The following INTS12 variants were observed in gnomAD, a reference collection of about 807,000 sequenced individuals.
INTS12 encodes integrator complex subunit 12.
Under a neutral mutation model 41.6 loss-of-function variants are expected in INTS12, and 13 were observed. The ratio of observed to expected loss-of-function variants is 0.31; its 90% confidence interval spans 0.20 to 0.50. The LOEUF (loss-of-function observed/expected upper bound fraction) is 0.50, where lower values mean the gene tolerates loss of function less well. INTS12 is among the 20% of genes least tolerant of loss of function. INTS12 has a pLI of 0.98. For missense variants in INTS12, 432 were observed against 541.6 expected, an observed-to-expected ratio of 0.80 and a Z score of 2.01; for synonymous variants, 199 against 191.4, an observed-to-expected ratio of 1.04 and a Z score of -0.33.
At chr4:105,699,378 T>C (rs1009494044) in intron 3 of INTS12, among the ~76,000 whole-genome samples, 3 of 152,202 alleles carry the variant, frequency 2.0e-5, no homozygotes, top group Non-Finnish European at 4.4e-5. Context: ...GGCTGCTTTG[T>C]TATTATCAAG....
intron 6 of INTS12, among the ~76,000 whole-genome samples, chr4:105,690,971 AG>A (rs1731663528): frequency 6.6e-6 from 1 of 152,218 alleles, no homozygotes; most frequent in South Asian, 2.1e-4. Flanking sequence ...AACTTGTCAT[AG>A]AAATTTCCTG....
At chr4:105,693,885 T>C (rs1731772176) in intron 4 of INTS12, among the ~76,000 whole-genome samples, 1 of 152,172 alleles carries the variant, frequency 6.6e-6, no homozygotes, top group Admixed American at 6.5e-5. Context: ...ACCCATTAGA[T>C]TTGGCAAAAA....
chr4:105,683,013 T>G lies in INTS12; in HGVS notation c.1109A>C (p.Lys370Thr). The change falls in exon 8 of 8, where the codon AAA becomes ACA. Residue 370 changes from lysine to threonine, a missense_variant. Physicochemically the swap from Lys to Thr is moderately conservative, Grantham distance 78. This residue lies in a region of INTS12 where 258 missense variants were observed against 309.9 expected (regional missense o/e 0.83). Transcript: ENST00000340139. ...LKPPPPLTLGKTGLSRSVSCD... is the reference protein window; with the variant it reads ...LKPPPPLTLGTTGLSRSVSCD... ...ACTAACTGAGCGACTAAGGCCAGTT[T>G]TACCCAAGGTTAGAGGTGGAGGTGG... 1 of 1,614,144 alleles carries G rather than the reference T, an allele frequency of 6.2e-7. No individual in the cohort carries two copies.
chr4:105,690,226 G>A (rs1047914286), intron 6 of INTS12, among the ~76,000 whole-genome samples: 4 of 151,956 alleles, frequency 2.6e-5, no homozygotes, highest in Non-Finnish European at 5.9e-5. Context: ...AGGTAGAGTC[G>A]GGTCAAAAAG....
At chr4:105,700,496 TTAGC>T (rs1732025915) in intron 2 of INTS12, among the ~76,000 whole-genome samples, 1 of 151,958 alleles carries the variant, frequency 6.6e-6, no homozygotes, top group South Asian at 2.1e-4. Flanking sequence ...TATTAAGTGA[TTAGC>T]TATCATGGTC....
chr4:105,684,375 CA>C (rs1372514271), intron 7 of INTS12, among the ~76,000 whole-genome samples: 1 of 151,956 alleles, frequency 6.6e-6, no homozygotes, highest in Non-Finnish European at 1.5e-5. Context: ...TAAAATTTTA[CA>C]AAATAACATC....
intron 7 of INTS12, among the ~76,000 whole-genome samples, chr4:105,684,596 G>A (rs1041507179): frequency 6.6e-6 from 1 of 152,030 alleles, no homozygotes; most frequent in Non-Finnish European, 1.5e-5. Context: ...CCAGATATTT[G>A]TCCACATACT....
At chr4:105,685,959 C>T (rs1731485041) in intron 7 of INTS12, among the ~76,000 whole-genome samples, 1 of 151,696 alleles carries the variant, frequency 6.6e-6, no homozygotes, top group African/African-American at 2.4e-5. Context: ...CTTCAACAGC[C>T]AATAAGAAGG....
chr4:105,707,130 G>A (rs1415504293), intron 1 of INTS12, among the ~76,000 whole-genome samples: 2 of 151,634 alleles, frequency 1.3e-5, no homozygotes, highest in Non-Finnish European at 2.9e-5. Flanking sequence ...TATTTTTTTT[G>A]TCCAGGAAGC....
intron 6 of INTS12, among the ~76,000 whole-genome samples, chr4:105,691,146 A>C (rs762633389): frequency 7.2e-5 from 11 of 152,216 alleles, no homozygotes; most frequent in Non-Finnish European, 1.0e-4. Flanking sequence ...CTGACCTTTA[A>C]AAGATATATT....
In INTS12 at chr4:105,693,325, C is replaced by T; in HGVS notation, c.471G>A (p.Glu157=). ...EETSADDFAM[E]MGLACVVCRQ... ...TACAAACAACGCAGGCCAATCCCAT[C>T]TCCATGGCAAAATCATCAGCACTGG... The change falls in exon 5 of 8, where the codon GAG becomes GAA. Residue 157 remains glutamate, a synonymous_variant. Coordinates refer to ENST00000340139, the MANE Select transcript of INTS12 (RefSeq NM_020395.4). 1 of 1,610,244 alleles carries T rather than the reference C, an allele frequency of 6.2e-7. No homozygotes were observed. The highest frequency in any genetic ancestry group is 8.5e-7 in the Non-Finnish European group (1 of 1,177,334).
Position 105,699,964 on chromosome 4 carries a change from C to CA in INTS12, c.41dup (p.Leu14PhefsTer12). 1.1e-5 allele frequency: 17 copies of CA among 1,511,316 alleles called. No individual in the cohort carries two copies. The highest frequency in any genetic ancestry group is 6.6e-5 in the South Asian group (5 of 75,298). The allele number at this position is 1,511,316 out of a possible 1,614,324, so 93.6% of individuals were successfully genotyped here. A position where few individuals can be genotyped will look rare whatever the true frequency, so the allele number is the denominator to read the frequency against. ...TTGAATGCAAGAAACCTAGTGCTTT[C>CA]AAAAAAATGGGATCAAGTTCCAAGT... On this transcript the variant is annotated frameshift_variant, in exon 3 of 8. Transcript: ENST00000340139. LOFTEE classifies it high-confidence loss of function.
At chr4:105,697,378 A>G (rs1246205979) in intron 3 of INTS12, among the ~76,000 whole-genome samples, 2 of 152,228 alleles carry the variant, frequency 1.3e-5, no homozygotes, top group African/African-American at 4.8e-5. Context: ...ATAAATGGGA[A>G]TAATACACAA....
intron 6 of INTS12, among the ~76,000 whole-genome samples, chr4:105,690,236 G>A (rs1731639326): frequency 6.6e-6 from 1 of 152,170 alleles, no homozygotes; most frequent in Non-Finnish European, 1.5e-5. Flanking sequence ...GGGTCAAAAA[G>A]AGAAGGTCCA....
intron 1 of INTS12, among the ~76,000 whole-genome samples, chr4:105,706,808 C>G (rs1056551911): frequency 4.9e-4 from 75 of 152,178 alleles, no homozygotes; most frequent in African/African-American, 1.3e-3. Context: ...ATTTTTCACA[C>G]TTGTCCTACT....
intron 3 of INTS12, 45 bp downstream of exon 3, chr4:105,699,805 C>A: frequency 7.3e-7 from 1 of 1,376,164 alleles, no homozygotes; most frequent in Non-Finnish European, 9.8e-7. Flanking sequence ...TGTAGTACTA[C>A]AGGCCTTACA....
At chr4:105,699,773 G>A (rs1731993711) in intron 3 of INTS12, 77 bp downstream of exon 3, 1 of 957,672 alleles carries the variant, frequency 1.0e-6, no homozygotes, top group Non-Finnish European at 1.4e-6. Context: ...AGATTGTTTT[G>A]AGATGGTCTA....
intron 2 of INTS12, chr4:105,703,113 G>A (rs1204990721): frequency 3.1e-6 from 2 of 654,292 alleles, no homozygotes; most frequent in South Asian, 6.8e-5. Context: ...CTAAACCCAT[G>A]GCCAAAACAG....
At chr4:105,699,281 C>T (rs1475161053) in intron 3 of INTS12, among the ~76,000 whole-genome samples, 1 of 152,184 alleles carries the variant, frequency 6.6e-6, no homozygotes, top group Non-Finnish European at 1.5e-5. Flanking sequence ...TGTCTATTAT[C>T]ATCACACAAT....
Sources: gnomAD v4.1 joint callset for allele counts (sites outside exome capture counted in the v4.1 genomes callset) on GRCh38, gnomAD v4.1.1 for gene constraint, gnomAD v4.1.1 regional missense constraint, MANE v1.5 for transcripts, NCBI Gene and HGNC (gene_info 2026-07-23, HGNC 2026-07-21) for gene names.